The following ZNF91 variants were observed in gnomAD, a reference collection of about 807,000 sequenced individuals.
The protein encoded by ZNF91 is zinc finger protein 91.
ZNF91 carries 7 observed loss-of-function variants against 12.6 expected under a neutral mutation model. That is an observed-to-expected ratio of 0.55 (90% CI 0.31 to 1.04). The LOEUF (loss-of-function observed/expected upper bound fraction) is 1.04. ZNF91 is among the 50% of genes least tolerant of loss of function. The pLI, the probability that ZNF91 is intolerant of heterozygous loss-of-function variation, is 0.05. For missense variants in ZNF91, 1,217 were observed against 1,385.4 expected (o/e 0.88, Z 1.93); for synonymous variants, 453 against 462.6 (o/e 0.98, Z 0.27).
rs766159839 is a variant in ZNF91, at chr19:23,361,569, T to G, written c.1410A>C (p.Ala470=). ...TAGTTAGGGTTGAAGACCATATAAA[T>G]GCTTTGCCACATTCTTTACATTTGA... ...KPFKCKECGK[A]FIWSSTLTRH... Residue 470 remains alanine, a synonymous_variant, in exon 4 of 4, where the codon GCA becomes GCC. Transcript: ENST00000300619. The G allele has an allele frequency of 2.5e-6, 4 of 1,612,050 alleles. No individual in the cohort carries two copies. Among genetic ancestry groups the G allele is most frequent in the Non-Finnish European group, 3.4e-6 (4 of 1,179,444 alleles).
chr19:23,385,045 G>C (rs1227517649), intron 1 of ZNF91: 2 of 1,189,730 alleles, frequency 1.7e-6, no homozygotes, highest in African/African-American at 3.0e-5. Flanking sequence ...CACCTCATGG[G>C]GCTCCAGCGG....
At chr19:23,321,122 C>T (rs1445045864) in intron 1 of ZNF91, among the ~76,000 whole-genome samples, 2 of 152,158 alleles carry the variant, frequency 1.3e-5, no homozygotes. Context: ...GATTGATAAT[C>T]TCATCTGTGG....
chr19:23,349,717 A>G (rs1968316516), intron 3 of ZNF91, among the ~76,000 whole-genome samples: 1 of 151,576 alleles, frequency 6.6e-6, no homozygotes, highest in African/African-American at 2.4e-5. Context: ...GAGTCCAAGG[A>G]CTCCTCAACT....
chr19:23,340,510 C>T (rs1010704601), intron 3 of ZNF91, among the ~76,000 whole-genome samples: 1 of 151,978 alleles, frequency 6.6e-6, no homozygotes, highest in Non-Finnish European at 1.5e-5. Context: ...CAAACCAATA[C>T]TGAGTAGCAT....
chr19:23,358,975 T>C lies in ZNF91; in HGVS notation c.*428A>G, dbSNP rs1459896293. The C allele has an allele frequency of 7.4e-6, 3 of 404,356 alleles. No individual in the cohort carries two copies. 25.0% of individuals were successfully genotyped at this position (404,356 alleles called of 1,614,324 possible). A position where few individuals can be genotyped will look rare whatever the true frequency, so the allele number is the denominator to read the frequency against. On this transcript the variant is annotated 3_prime_UTR_variant, in exon 4 of 4. Transcript: ENST00000300619. ...AGATTTCTCTCCAATATGAGTTATC[T>C]TATCTGTAGTAAGGTGTGAAAACTG...
At chr19:23,351,607 A>G (rs966238494) in intron 3 of ZNF91, among the ~76,000 whole-genome samples, 2 of 152,220 alleles carry the variant, frequency 1.3e-5, no homozygotes, top group African/African-American at 4.8e-5. Context: ...AAATGTGAAC[A>G]GTTTTGACCT....
chr19:23,360,856 T>C lies in ZNF91; in HGVS notation c.2123A>G (p.His708Arg). ...ACATTTGTAGAGTTTCTCTCCAGCA[T>C]GTATTATTTTATGTTTAGTAAGGGT... ...LSTLTKHKII[H>R]AGEKLYKCEE... is the part of the protein sequence containing the mutation. Residue 708 changes from histidine (H) to arginine (R), a missense_variant, in exon 4 of 4, where the codon CAT (histidine) becomes CGT (arginine). His to Arg is a conservative substitution (Grantham distance 29). This residue lies in a region of ZNF91 where 726 missense variants were observed against 895.5 expected (regional missense o/e 0.81). Transcript: ENST00000300619. The C allele has an allele frequency of 1.2e-6, 2 of 1,613,826 alleles. No homozygotes were observed. Among genetic ancestry groups the C allele is most frequent in the Non-Finnish European group, 1.7e-6 (2 of 1,179,852 alleles).
chr19:23,363,988 CA>C (rs986344706), intron 3 of ZNF91, among the ~76,000 whole-genome samples: 15 of 148,366 alleles, frequency 1.0e-4, no homozygotes, highest in African/African-American at 1.2e-4. Flanking sequence ...AAGTCACAGA[CA>C]AAAAAAAAAT....
At chr19:23,383,760 C>CT (rs1969790992) in intron 1 of ZNF91, among the ~76,000 whole-genome samples, 1 of 151,904 alleles carries the variant, frequency 6.6e-6, no homozygotes, top group Non-Finnish European at 1.5e-5. Context: ...TCTCTTAACA[C>CT]TACTATTCAA....
chr19:23,349,709 G>A (rs1045397776), intron 3 of ZNF91, among the ~76,000 whole-genome samples: 1 of 148,772 alleles, frequency 6.7e-6, no homozygotes, highest in Non-Finnish European at 1.5e-5. Flanking sequence ...TGCAGTGAGA[G>A]TCCAAGGACT....
chr19:23,375,909 C>T (rs1412380686), intron 1 of ZNF91, among the ~76,000 whole-genome samples: 1 of 152,128 alleles, frequency 6.6e-6, no homozygotes, highest in Non-Finnish European at 1.5e-5. Context: ...CATATTGCCC[C>T]CACTAAAGTA....
At chr19:23,323,589 C>A in intron 1 of ZNF91, among the ~76,000 whole-genome samples, 1 of 147,454 alleles carries the variant, frequency 6.8e-6, no homozygotes, top group East Asian at 2.2e-4. Flanking sequence ...CTCCCATCCT[C>A]CTTTTCCTTC....
At chr19:23,348,221 G>A (rs1968277110) in intron 3 of ZNF91, among the ~76,000 whole-genome samples, 1 of 151,910 alleles carries the variant, frequency 6.6e-6, no homozygotes, top group African/African-American at 2.4e-5. Context: ...ATGAGATTCT[G>A]TGCAACACCA....
downstream of ZNF91, among the ~76,000 whole-genome samples, chr19:23,355,121 A>G (rs994262411): frequency 4.6e-5 from 7 of 152,320 alleles, no homozygotes; most frequent in South Asian, 1.5e-3. Context: ...TCTAAAATTC[A>G]TATAGAACCA....
intron 3 of ZNF91, among the ~76,000 whole-genome samples, chr19:23,365,469 AAT>A (rs1210314970): frequency 6.6e-6 from 1 of 152,146 alleles, no homozygotes; most frequent in Non-Finnish European, 1.5e-5. Context: ...GAGTCAGTAA[AAT>A]GAGTCAGTTT....
chr19:23,355,947 C>T (rs140188338), downstream of ZNF91, among the ~76,000 whole-genome samples: 68 of 152,224 alleles, frequency 4.5e-4, no homozygotes, highest in South Asian at 1.2e-3. Flanking sequence ...ACCCACAATG[C>T]GATACCACCT....
chr19:23,334,996 T>A (rs2145874846), downstream of ZNF91, among the ~76,000 whole-genome samples: 1 of 152,334 alleles, frequency 6.6e-6, no homozygotes, highest in Admixed American at 6.5e-5. Flanking sequence ...TTTTTATTTA[T>A]TATTCTTTAA....
intron 1 of ZNF91, among the ~76,000 whole-genome samples, chr19:23,382,472 T>C (rs1336369048): frequency 6.6e-6 from 1 of 152,172 alleles, no homozygotes; most frequent in Non-Finnish European, 1.5e-5. Context: ...GACAGATAAT[T>C]GAAGAAGAAA....
At chr19:23,390,230 T>C (rs1970014367) in intron 1 of ZNF91, among the ~76,000 whole-genome samples, 1 of 152,038 alleles carries the variant, frequency 6.6e-6, no homozygotes. Context: ...GCAGGAGAAT[T>C]GCTTGAACCC....
Sources: allele counts gnomAD v4.1 joint callset (sites outside exome capture counted in the v4.1 genomes callset), GRCh38; gene constraint gnomAD v4.1.1; regional missense constraint gnomAD v4.1.1; transcripts MANE v1.5; gene names NCBI Gene and HGNC (gene_info 2026-07-23, HGNC 2026-07-21).